The following STX2 variants were observed in gnomAD, a reference collection of about 807,000 sequenced individuals.
The protein encoded by STX2 is syntaxin-2.
In STX2, 27 loss-of-function variants were observed where a neutral mutation model predicts 40.6. The ratio of observed to expected loss-of-function variants is 0.66; its 90% CI spans 0.49 to 0.92. The LOEUF (loss-of-function observed/expected upper bound fraction) is 0.92, where lower values mean the gene tolerates loss of function less well. Ranked by LOEUF, STX2 falls within the 40% of genes least tolerant of loss-of-function variation. The pLI is 0.00. For synonymous variants in STX2, 123 were observed against 119.1 expected (o/e 1.03, Z -0.22); for missense variants, 328 against 366.1 (o/e 0.90, Z 0.85).
chr12:130,823,590 G>C (rs1419450113), intron 2 of STX2, among the ~76,000 whole-genome samples: 1 of 152,166 alleles, frequency 6.6e-6, no homozygotes, highest in Non-Finnish European at 1.5e-5. Context: ...CAAGAGGGAG[G>C]AAACCCAAGA....
At chr12:130,798,107 C>T (rs1379653347) in intron 9 of STX2, among the ~76,000 whole-genome samples, 1 of 152,072 alleles carries the variant, frequency 6.6e-6, no homozygotes, top group African/African-American at 2.4e-5. Context: ...ATTAGCCTGG[C>T]ATGGTGGCGG....
intron 1 of STX2, 146 bp from the exon 2 acceptor site, chr12:130,827,413 A>G (rs1952364387): frequency 6.4e-6 from 4 of 621,804 alleles, no homozygotes; most frequent in Non-Finnish European, 1.1e-5. Context: ...ACCACTATCT[A>G]CTCCAACTGA....
At chr12:130,831,958 C>A (rs1367686740) in intron 1 of STX2, among the ~76,000 whole-genome samples, 1 of 150,906 alleles carries the variant, frequency 6.6e-6, no homozygotes, top group Non-Finnish European at 1.5e-5. Flanking sequence ...ACAGCTTCAA[C>A]CTCCTGGGCT....
intron 4 of STX2, among the ~76,000 whole-genome samples, chr12:130,811,121 G>A (rs1951631678): frequency 6.6e-6 from 1 of 152,138 alleles, no homozygotes; most frequent in Non-Finnish European, 1.5e-5. Flanking sequence ...ACTTTGGGAG[G>A]CTGAGACTGG....
chr12:130,837,768 A>T (rs1217636279), intron 1 of STX2, among the ~76,000 whole-genome samples: 2 of 152,234 alleles, frequency 1.3e-5, no homozygotes, highest in East Asian at 3.8e-4. Flanking sequence ...GCACTGAAAG[A>T]TAATCCATCG....
intron 1 of STX2, among the ~76,000 whole-genome samples, chr12:130,827,742 T>C (rs903939994): frequency 3.3e-5 from 5 of 152,234 alleles, no homozygotes; most frequent in African/African-American, 9.6e-5. Context: ...GGTGAAAACC[T>C]GTCTCTACAA....
intron 6 of STX2, 74 bp from the exon 7 acceptor site, chr12:130,801,562 T>C: frequency 1.4e-6 from 2 of 1,436,254 alleles, no homozygotes; most frequent in Middle Eastern, 4.0e-4. Context: ...CAACCATAAG[T>C]TAGCAACTAC....
intron 3 of STX2, among the ~76,000 whole-genome samples, chr12:130,815,500 G>A (rs1272777671): frequency 6.6e-6 from 1 of 152,242 alleles, no homozygotes; most frequent in Non-Finnish European, 1.5e-5. Context: ...GAAAAGACCT[G>A]TTTTCCTGAG....
intron 4 of STX2, chr12:130,812,175 A>T (rs1019563318): frequency 1.1e-5 from 2 of 179,738 alleles, no homozygotes; most frequent in South Asian, 8.1e-5. Context: ...CAAACTGTTT[A>T]AAAAAAAAAA....
At chr12:130,819,386 C>CG (rs1952027647) in intron 3 of STX2, among the ~76,000 whole-genome samples, 1 of 152,108 alleles carries the variant, frequency 6.6e-6, no homozygotes. Flanking sequence ...TGCGTTACCC[C>CG]GGGCCCATCA....
chr12:130,805,111 C>T (rs1302809773), intron 6 of STX2, among the ~76,000 whole-genome samples: 1 of 152,194 alleles, frequency 6.6e-6, no homozygotes, highest in Non-Finnish European at 1.5e-5. Context: ...TGATGACTTT[C>T]ACTTTAAAAA....
At chr12:130,829,194 T>C (rs7312827) in intron 1 of STX2, among the ~76,000 whole-genome samples, 7,700 of 152,290 alleles carry the variant, frequency 0.051, 615 homozygotes, top group African/African-American at 0.17. Context: ...AACCAGTAGC[T>C]GACGCCAGGT....
rs1260933386 is a variant in STX2, at chr12:130,839,137, T to G, written c.-38A>C. On this transcript the variant is annotated 5_prime_UTR_variant, in exon 1 of 11. Coordinates refer to ENST00000392373, the MANE Select transcript of STX2 (RefSeq NM_194356.4). ...GGCAGCGCGCCCCGCCGCTCAAGCC[T>G]GTCCCGAGCTGCCTCCGGCCGGGCC... is the stretch of plus-strand genomic sequence containing the variant. The G allele has an allele frequency of 8.4e-7, 1 of 1,186,362 alleles. No individual in the cohort carries two copies. The highest frequency in any genetic ancestry group is 4.6e-5 in the Admixed American group (1 of 21,876). The allele number at this position is 1,186,362 out of a possible 1,614,324, so 73.5% of individuals were successfully genotyped here. A position where few individuals can be genotyped will look rare whatever the true frequency, so the allele number is the denominator to read the frequency against.
At chr12:130,811,856 C>T (rs1019092032) in intron 4 of STX2, among the ~76,000 whole-genome samples, 8 of 152,116 alleles carry the variant, frequency 5.3e-5, no homozygotes, top group African/African-American at 1.9e-4. Context: ...AACATCTTAA[C>T]GTAACCATGA....
chr12:130,794,559 G>A (rs553234270), intron 10 of STX2, among the ~76,000 whole-genome samples: 9 of 152,162 alleles, frequency 5.9e-5, no homozygotes, highest in Non-Finnish European at 1.2e-4. Flanking sequence ...GCCGTGGTGC[G>A]ATCTAGACTC....
At chr12:130,831,386 C>T (rs536174712) in intron 1 of STX2, among the ~76,000 whole-genome samples, 1 of 152,288 alleles carries the variant, frequency 6.6e-6, no homozygotes, top group South Asian at 2.1e-4. Flanking sequence ...AAAAGCTGGC[C>T]GGGTGCGGCA....
At chr12:130,800,479 G>A (rs971310212) in intron 8 of STX2, among the ~76,000 whole-genome samples, 1 of 152,084 alleles carries the variant, frequency 6.6e-6, no homozygotes, top group Non-Finnish European at 1.5e-5. Flanking sequence ...TCACTCAGAA[G>A]GGCCTTTCCA....
chr12:130,821,087 CA>C, intron 3 of STX2, among the ~76,000 whole-genome samples: 1 of 152,174 alleles, frequency 6.6e-6, no homozygotes, highest in South Asian at 2.1e-4. Flanking sequence ...CAAATTGAGA[CA>C]AAAATCCAGG....
intron 2 of STX2, among the ~76,000 whole-genome samples, chr12:130,826,877 CA>C (rs1952333411): frequency 6.6e-6 from 1 of 150,806 alleles, no homozygotes; most frequent in Non-Finnish European, 1.5e-5. Flanking sequence ...GGTGTGGTGG[CA>C]CACACCTGTG....
Sources: allele counts gnomAD v4.1 joint callset (sites outside exome capture counted in the v4.1 genomes callset), GRCh38; gene constraint gnomAD v4.1.1; transcripts MANE v1.5; gene names NCBI Gene and HGNC (gene_info 2026-07-23, HGNC 2026-07-21).